The following ABR variants were observed in gnomAD, a reference collection of about 807,000 sequenced individuals.
ABR encodes the protein ABR activator of RhoGEF and GTPase.
In ABR, 35 loss-of-function variants were observed where a neutral mutation model predicts 107.2. The ratio of observed to expected loss-of-function variants is 0.33; its 90% confidence interval spans 0.25 to 0.43. The LOEUF is 0.43. Among genes scored for constraint, ABR ranks in the 20% least tolerant of loss-of-function variants. ABR has a pLI of 1.00. For synonymous variants in ABR, 498 were observed against 462.0 expected (o/e 1.08, Z -1.00); for missense variants, 815 against 1,115.2 (o/e 0.73, Z 3.83).
At chr17:1,204,940 A>G (rs1223830325) in intron 1 of ABR, among the ~76,000 whole-genome samples, 2 of 115,062 alleles carry the variant, frequency 1.7e-5, no homozygotes, top group East Asian at 2.8e-4. Context: ...GTCTCGCGCT[A>G]TCACCCAGGC....
At chr17:1,107,979 G>C (rs2038371516) in intron 2 of ABR, among the ~76,000 whole-genome samples, 1 of 152,242 alleles carries the variant, frequency 6.6e-6, no homozygotes. Context: ...GAGGGGCAGG[G>C]AGGCCCAGAG....
chr17:1,102,976 C>T (rs2151356474), intron 2 of ABR, among the ~76,000 whole-genome samples: 1 of 152,262 alleles, frequency 6.6e-6, no homozygotes, highest in East Asian at 1.9e-4. Context: ...TCCCAAAGTG[C>T]TGGGATTACA....
chr17:1,064,269 C>T (rs1597630266), intron 10 of ABR, among the ~76,000 whole-genome samples: 1 of 32,258 alleles, frequency 3.1e-5, no homozygotes, highest in Non-Finnish European at 6.9e-5. Context: ...TATGCATGTT[C>T]CTCCAGACAC....
At chr17:1,171,136 A>G (rs183323562) in intron 1 of ABR, among the ~76,000 whole-genome samples, 1 of 152,224 alleles carries the variant, frequency 6.6e-6, no homozygotes, top group Non-Finnish European at 1.5e-5. Context: ...GGTAACGCGA[A>G]CGGGGTAACC....
chr17:1,110,879 G>C (rs2038634184), intron 2 of ABR, among the ~76,000 whole-genome samples: 1 of 152,206 alleles, frequency 6.6e-6, no homozygotes. Flanking sequence ...GTCCCTGCCT[G>C]GGTGGGTTAT....
chr17:1,145,026 T>A (rs549559964), intron 1 of ABR, among the ~76,000 whole-genome samples: 57 of 151,526 alleles, frequency 3.8e-4, no homozygotes, highest in Middle Eastern at 3.4e-3. Context: ...TCAAAAAAAA[T>A]AAATAAATAA....
intron 2 of ABR, among the ~76,000 whole-genome samples, chr17:1,117,354 C>G (rs202196062): frequency 1.1e-5 from 1 of 94,854 alleles, no homozygotes; most frequent in Non-Finnish European, 2.2e-5. Flanking sequence ...GAGTTCCTCC[C>G]AGCGTTATCC....
intron 9 of ABR, among the ~76,000 whole-genome samples, chr17:1,068,808 T>C (rs757894399): frequency 5.9e-5 from 9 of 152,212 alleles, no homozygotes; most frequent in African/African-American, 1.9e-4. Context: ...CTGTGCGAGC[T>C]TGGGCTGCTT....
chr17:1,207,843 C>T lies in ABR; in HGVS notation c.838+20950G>A, dbSNP rs2042823950. Among the ~76,000 whole-genome samples the T allele has an allele frequency of 6.6e-5, 10 of 151,600 alleles. 1 individual carries two copies. The highest frequency in any genetic ancestry group is 6.6e-4 in the Admixed American group (10 of 15,228). ...GGAGTGCAGAGGTGCGATCTCGGCT[C>T]ACTGCAACCTCCGCCTCCCGGGTTC... On this transcript the variant is annotated intron_variant, in intron 1 of 22. Transcript: ENST00000574139.
chr17:1,031,567 AC>A (rs1238625887), intron 16 of ABR: 4 of 173,006 alleles, frequency 2.3e-5, no homozygotes, highest in Non-Finnish European at 2.1e-5. Flanking sequence ...CCGAGCCCCC[AC>A]CCCCCGGAAC....
In ABR at chr17:1,200,909, C is replaced by T. The variant is rs1461183294; in HGVS notation, c.838+27884G>A. ...TTCCTTCCTCTGGGCAGGGCTACAG[C>T]TTAGAGACTGGGAGAAAGCCTTGGG... is the stretch of plus-strand genomic sequence containing the variant. On this transcript the variant is annotated intron_variant, in intron 1 of 22. Coordinates refer to the ABR transcript ENST00000574139. This position sits in a 1 kb window ranked among gnomAD's most constrained non-coding sequence, Gnocchi z 4.1. Among the ~76,000 whole-genome samples, 1 of 152,162 alleles carries T rather than the reference C, an allele frequency of 6.6e-6. No individual in the cohort carries two copies. The highest frequency in any genetic ancestry group is 2.4e-5 in the African/African-American group (1 of 41,442).
At chr17:1,052,063 CTCTT>C (rs1396580713) in intron 14 of ABR, among the ~76,000 whole-genome samples, 2 of 150,298 alleles carry the variant, frequency 1.3e-5, no homozygotes, top group Non-Finnish European at 3.0e-5. Context: ...GACCAAGTGA[CTCTT>C]TCTCAAAAAA....
At chr17:1,158,223 ATTC>A (rs1026983416) in intron 1 of ABR, among the ~76,000 whole-genome samples, 2 of 152,090 alleles carry the variant, frequency 1.3e-5, no homozygotes, top group East Asian at 2.0e-4. Flanking sequence ...TTACAATGTA[ATTC>A]TTCTTCTTTT....
chr17:1,030,866 G>A (rs1217467984), intron 16 of ABR, among the ~76,000 whole-genome samples: 2 of 152,258 alleles, frequency 1.3e-5, no homozygotes, highest in Non-Finnish European at 2.9e-5. Flanking sequence ...GATCTGCAGA[G>A]TTATCGAGCA....
Position 1,157,378 on chromosome 17 carries a change from A to G in ABR, c.61+22289T>C, listed in dbSNP as rs957884155. The stretch of plus-strand genomic sequence containing the variant: ...TAATTCTCCTGCCTCAGCCTCCCAA[A>G]TAGCTGGGATTACAGGTGTGCGCCA... On this transcript the variant is annotated intron_variant, in intron 1 of 22. Coordinates refer to ENST00000302538, the MANE Select transcript of ABR (RefSeq NM_021962.5). The surrounding 1 kb of genome is among the most constrained non-coding windows in gnomAD (Gnocchi z 4.7). Among the ~76,000 whole-genome samples the G allele has an allele frequency of 3.3e-5, 5 of 151,626 alleles. No homozygotes were observed. The highest frequency in any genetic ancestry group is 1.2e-4 in the African/African-American group (5 of 41,254).
At chr17:1,166,467 C>G (rs949980004) in intron 1 of ABR, among the ~76,000 whole-genome samples, 3 of 152,100 alleles carry the variant, frequency 2.0e-5, no homozygotes, top group Admixed American at 2.0e-4. Flanking sequence ...CCTGGGAAAC[C>G]GGGAGAGGCT....
intron 1 of ABR, among the ~76,000 whole-genome samples, chr17:1,201,339 G>A (rs2042667290): frequency 6.6e-6 from 1 of 152,158 alleles, no homozygotes; most frequent in African/African-American, 2.4e-5. Flanking sequence ...ATGACGGTAA[G>A]TGCTTTAACT....
intron 1 of ABR, among the ~76,000 whole-genome samples, chr17:1,152,195 C>T (rs1178880408): frequency 6.6e-6 from 1 of 151,734 alleles, no homozygotes; most frequent in Non-Finnish European, 1.5e-5. Context: ...GAGGCTGAGG[C>T]AGGAGAATGG....
chr17:1,179,528 CG>C lies in ABR; in HGVS notation c.61+138del. On this transcript the variant is annotated intron_variant, in intron 1 of 22. Transcript: ENST00000302538. This position sits in a 1 kb window ranked among gnomAD's most constrained non-coding sequence, Gnocchi z 4.9. Reference sequence around the variant, plus strand: ...CCGATCCGGACCCCGATCTCGCCCCCGCCCGCGCTCCCCGGACCAGCCCGGT... The same window carrying C: ...CCGATCCGGACCCCGATCTCGCCCCCCCCGCGCTCCCCGGACCAGCCCGGT... 1 of 927,820 alleles carries C rather than the reference CG, an allele frequency of 1.1e-6. No homozygotes were observed. Among genetic ancestry groups the C allele is most frequent in the South Asian group, 2.5e-5 (1 of 40,152 alleles). 57.5% of individuals were successfully genotyped at this position (927,820 alleles called of 1,614,324 possible).
Sources: gnomAD v4.1 joint callset for allele counts (sites outside exome capture counted in the v4.1 genomes callset) on GRCh38, gnomAD v4.1.1 for gene constraint, Gnocchi (gnomAD v3.1) non-coding constraint, MANE v1.5 for transcripts, NCBI Gene and HGNC (gene_info 2026-07-23, HGNC 2026-07-21) for gene names.